The following PIK3C2G variants were observed in gnomAD, a reference collection of about 807,000 sequenced individuals.
The protein encoded by PIK3C2G is phosphatidylinositol 3-kinase C2 domain-containing subunit gamma.
A neutral mutation model predicts 181.1 loss-of-function variants in PIK3C2G; 168 were observed. That is an observed-to-expected ratio of 0.93 (90% CI 0.82 to 1.05). The LOEUF (loss-of-function observed/expected upper bound fraction) is 1.05, where lower values mean the gene tolerates loss of function less well. PIK3C2G is among the 50% of genes least tolerant of loss of function. PIK3C2G has a pLI of 0.00. For synonymous variants in PIK3C2G, 573 were observed against 592.2 expected, an observed-to-expected ratio of 0.97 and a Z score of 0.47; for missense variants, 1,869 against 1,732.8, an observed-to-expected ratio of 1.08 and a Z score of -1.40.
At chr12:18,463,557 C>T (rs1948034078) in intron 18 of PIK3C2G, among the ~76,000 whole-genome samples, 2 of 152,066 alleles carry the variant, frequency 1.3e-5, no homozygotes, top group South Asian at 2.1e-4. Context: ...ACTGCATCAG[C>T]GATTATATGA....
the PIK3C2G span, chr12:18,701,527 C>T: frequency 1.9e-6 from 3 of 1,613,966 alleles, no homozygotes; most frequent in Admixed American, 3.3e-5. Flanking sequence ...AGCATTACTC[C>T]AGGTAACTTT....
chr12:18,280,487 C>T (rs901981558), intron 1 of PIK3C2G, among the ~76,000 whole-genome samples: 5 of 151,918 alleles, frequency 3.3e-5, no homozygotes, highest in Admixed American at 2.0e-4. Context: ...TCCAGGATAA[C>T]ACCCTGGGAA....
At position 18,556,414 on chromosome 12, in the gene PIK3C2G, C is replaced by G. The variant is rs115660507; in HGVS notation, c.3591-6289C>G. 7.6e-3 allele frequency among the ~76,000 whole-genome samples: 1,154 copies of G among 152,162 alleles called. 12 individuals are homozygous for G. Among genetic ancestry groups the G allele is most frequent in the African/African-American group, 0.026 (1,093 of 41,526 alleles). Reference sequence around the variant, plus strand: ...AGTCTGCCCCCAAACCATGGGCTGACCATAAAGTCTCACCCTTCATCTTCA... The same window carrying G: ...AGTCTGCCCCCAAACCATGGGCTGAGCATAAAGTCTCACCCTTCATCTTCA... On this transcript the variant is annotated intron_variant, in intron 26 of 32. Coordinates refer to ENST00000538779, the MANE Select transcript of PIK3C2G (RefSeq NM_001288772.2).
intron 31 of PIK3C2G, among the ~76,000 whole-genome samples, chr12:18,622,891 A>G (rs1948926765): frequency 6.6e-6 from 1 of 150,842 alleles, no homozygotes; most frequent in Non-Finnish European, 1.5e-5. Flanking sequence ...CCCACTTCTT[A>G]ATTGAATTGT....
intron 7 of PIK3C2G, among the ~76,000 whole-genome samples, chr12:18,321,713 T>C (rs1951116875): frequency 6.6e-6 from 1 of 152,112 alleles, no homozygotes; most frequent in South Asian, 2.1e-4. Context: ...CATATGCCCA[T>C]CAGTGATTGA....
chr12:18,472,597 T>C (rs984063199), intron 18 of PIK3C2G, among the ~76,000 whole-genome samples: 4 of 152,308 alleles, frequency 2.6e-5, no homozygotes, highest in Admixed American at 6.5e-5. Context: ...TATACATTCA[T>C]TGAATAAATA....
the PIK3C2G span, chr12:18,683,299 G>A: frequency 6.2e-7 from 1 of 1,612,368 alleles, no homozygotes; most frequent in Non-Finnish European, 8.5e-7. Context: ...CACCCATTCT[G>A]GAAAACAGAG....
At chr12:18,485,782 AT>A (rs1939963568) in intron 18 of PIK3C2G, among the ~76,000 whole-genome samples, 1 of 152,076 alleles carries the variant, frequency 6.6e-6, no homozygotes, top group Non-Finnish European at 1.5e-5. Context: ...TAAACTTTTT[AT>A]TTTTAAACAT....
intron 31 of PIK3C2G, among the ~76,000 whole-genome samples, chr12:18,622,518 G>A (rs1177010742): frequency 6.6e-6 from 1 of 151,848 alleles, no homozygotes; most frequent in Non-Finnish European, 1.5e-5. Context: ...CAATAAATAT[G>A]GCAGTGCAGA....
chr12:18,259,903 A>G (rs1008921261), upstream of PIK3C2G, among the ~76,000 whole-genome samples: 23 of 152,146 alleles, frequency 1.5e-4, no homozygotes, highest in African/African-American at 3.1e-4. Context: ...TAGCCATGAA[A>G]AAAGTAAATT....
chr12:18,708,934 A>C, the PIK3C2G span, among the ~76,000 whole-genome samples: 3 of 152,036 alleles, frequency 2.0e-5, no homozygotes, highest in Non-Finnish European at 4.4e-5. Flanking sequence ...CATGGTTTGC[A>C]AATATTTTTT....
intron 32 of PIK3C2G, among the ~76,000 whole-genome samples, chr12:18,643,561 A>G (rs1949947809): frequency 6.6e-6 from 1 of 151,814 alleles, no homozygotes; most frequent in Non-Finnish European, 1.5e-5. Flanking sequence ...TTTTCATTCT[A>G]TGCCTGTATC....
chr12:18,694,986 T>C, the PIK3C2G span: 1 of 1,609,678 alleles, frequency 6.2e-7, no homozygotes, highest in Non-Finnish European at 8.5e-7. Context: ...TCTTAAGAAA[T>C]GTGGTTTCAA....
intron 13 of PIK3C2G, among the ~76,000 whole-genome samples, chr12:18,374,858 A>G (rs914906196): frequency 5.3e-5 from 8 of 152,068 alleles, no homozygotes; most frequent in Non-Finnish European, 1.0e-4. Context: ...TGTTATCACC[A>G]TGTGAGACAC....
chr12:18,349,568 C>A (rs1940012198), intron 11 of PIK3C2G, among the ~76,000 whole-genome samples: 1 of 152,090 alleles, frequency 6.6e-6, no homozygotes. Flanking sequence ...TAAACAAATT[C>A]TTTCCTTGAT....
At chr12:18,433,533 A>G (rs1446939500) in intron 18 of PIK3C2G, among the ~76,000 whole-genome samples, 4 of 152,218 alleles carry the variant, frequency 2.6e-5, no homozygotes, top group Non-Finnish European at 4.4e-5. Flanking sequence ...CTCGAAAAAA[A>G]TAAATAAATA....
At chr12:18,363,606 T>C (rs1049919588) in intron 12 of PIK3C2G, among the ~76,000 whole-genome samples, 1 of 151,906 alleles carries the variant, frequency 6.6e-6, no homozygotes, top group African/African-American at 2.4e-5. Flanking sequence ...ATTGCTTCAC[T>C]CAGATCAATA....
intron 11 of PIK3C2G, among the ~76,000 whole-genome samples, chr12:18,357,467 A>G (rs1940853493): frequency 6.6e-6 from 1 of 152,218 alleles, no homozygotes; most frequent in Admixed American, 6.5e-5. Flanking sequence ...TTAAAAATCT[A>G]ATGCACACAA....
At chr12:18,493,247 A>C (rs570500377) in intron 20 of PIK3C2G, 1 of 152,350 alleles carries the variant, frequency 6.6e-6, no homozygotes, top group Non-Finnish European at 1.5e-5. Context: ...CTACACACTG[A>C]GGTTCATATA....
Sources: allele counts gnomAD v4.1 joint callset (sites outside exome capture counted in the v4.1 genomes callset), GRCh38; gene constraint gnomAD v4.1.1; transcripts MANE v1.5; gene names NCBI Gene and HGNC (gene_info 2026-07-23, HGNC 2026-07-21).